Variants in ZNF536 observed in about 807,000 individuals in gnomAD.
The protein encoded by ZNF536 is zinc finger protein 536.
Under a neutral mutation model 84.5 loss-of-function variants are expected in ZNF536, and 13 were observed. The observed-to-expected ratio is 0.15, with a 90% CI of 0.10 to 0.24. The LOEUF is 0.24. ZNF536 is among the 10% of genes least tolerant of loss of function. The probability of loss-of-function intolerance (pLI) is 1.00; values close to 1 mark genes in which losing one functional copy is unlikely to be tolerated. For synonymous variants in ZNF536, 811 were observed against 742.5 expected (o/e 1.09, Z -1.50); for missense variants, 1,536 against 1,747.5 (o/e 0.88, Z 2.16).
At chr19:30,705,488 A>G (rs1405206507) in intron 1 of ZNF536, among the ~76,000 whole-genome samples, 1 of 152,230 alleles carries the variant, frequency 6.6e-6, no homozygotes, top group African/African-American at 2.4e-5. Flanking sequence ...GTGACTAAGT[A>G]CTTTATATCC....
At chr19:30,465,342 C>T (rs552701277) in intron 2 of ZNF536, among the ~76,000 whole-genome samples, 1 of 152,300 alleles carries the variant, frequency 6.6e-6, no homozygotes, top group South Asian at 2.1e-4. Flanking sequence ...TAGGAACTAT[C>T]CCTCCCCAGT....
intron 2 of ZNF536, among the ~76,000 whole-genome samples, chr19:30,317,353 C>A (rs2046714034): frequency 6.6e-6 from 1 of 152,200 alleles, no homozygotes; most frequent in African/African-American, 2.4e-5. Flanking sequence ...TCAAGCCACC[C>A]CCCAGGCATT....
chr19:30,599,464 CTCCCTCCTTCCTTCCT>C (rs1363822759), intron 1 of ZNF536, among the ~76,000 whole-genome samples: 83 of 2,448 alleles, frequency 0.034, no homozygotes, highest in African/African-American at 0.071. Flanking sequence ...CCCTCCCTCC[CTCCCTCCTTCCTTCCT>C]TCCCTCCTTC....
At chr19:30,266,936 C>T (rs572020195) in intron 1 of ZNF536, among the ~76,000 whole-genome samples, 18 of 152,194 alleles carry the variant, frequency 1.2e-4, no homozygotes, top group South Asian at 4.1e-4. Flanking sequence ...CAACGGAATC[C>T]GTTATAGAGG....
At chr19:30,481,375 A>C (rs1002654082) in intron 2 of ZNF536, among the ~76,000 whole-genome samples, 2 of 152,050 alleles carry the variant, frequency 1.3e-5, no homozygotes, top group Admixed American at 6.5e-5. Flanking sequence ...CTTCCCTGTC[A>C]CTGGGATCTC....
intron 1 of ZNF536, among the ~76,000 whole-genome samples, chr19:30,279,104 G>A (rs1046266619): frequency 2.6e-5 from 4 of 152,154 alleles, no homozygotes; most frequent in Admixed American, 2.0e-4. Flanking sequence ...CCGCATTCTC[G>A]CAGGGCTCAC....
chr19:30,281,877 G>A (rs1401951271), intron 1 of ZNF536, among the ~76,000 whole-genome samples: 1 of 152,158 alleles, frequency 6.6e-6, no homozygotes, highest in Non-Finnish European at 1.5e-5. Context: ...AGAGTCTCCT[G>A]GGTGGCCCCT....
upstream of ZNF536, among the ~76,000 whole-genome samples, chr19:30,370,958 A>C (rs968357036): frequency 2.0e-5 from 3 of 152,184 alleles, no homozygotes; most frequent in African/African-American, 7.2e-5. Context: ...ACTCCGTGTA[A>C]AAAATCACGT....
rs1873947588 is a variant in ZNF536, at chr19:30,445,829, A to T, written c.2170+97A>T. 6.9e-7 allele frequency: 1 copy of T among 1,456,688 alleles called. No homozygotes were observed. The highest frequency in any genetic ancestry group is 9.1e-7 in the Non-Finnish European group (1 of 1,096,374). The allele number at this position is 1,456,688 out of a possible 1,614,324, so 90.2% of individuals were successfully genotyped here. ...CAGGCCTCCAGTCAGTTCCAAGGCCAGTGGGTCTTGATTGAGGACAGGGGT... is the reference window on the plus strand; with the variant it reads ...CAGGCCTCCAGTCAGTTCCAAGGCCTGTGGGTCTTGATTGAGGACAGGGGT... On this transcript the variant is annotated intron_variant, in intron 2 of 4. Coordinates refer to ENST00000355537, the MANE Select transcript of ZNF536 (RefSeq NM_014717.3). This position sits in a 1 kb window ranked among gnomAD's most constrained non-coding sequence, Gnocchi z 4.5.
At chr19:30,367,390 C>T (rs1236748374), upstream of ZNF536, among the ~76,000 whole-genome samples, 1 of 152,238 alleles carries the variant, frequency 6.6e-6, no homozygotes, top group Non-Finnish European at 1.5e-5. Flanking sequence ...TACACATCAT[C>T]TGACTACCAA....
At chr19:30,587,281 A>G (rs1277896343) in intron 1 of ZNF536, among the ~76,000 whole-genome samples, 2 of 152,250 alleles carry the variant, frequency 1.3e-5, no homozygotes, top group Non-Finnish European at 2.9e-5. Flanking sequence ...TCTATGGATT[A>G]CAAGACATAT....
chr19:30,599,468 C>T (rs376095510), intron 1 of ZNF536, among the ~76,000 whole-genome samples: 141 of 1,646 alleles, frequency 0.086, 2 homozygotes, highest in African/African-American at 0.14. Flanking sequence ...CCCTCCCTCC[C>T]TCCTTCCTTC....
intron 1 of ZNF536, among the ~76,000 whole-genome samples, chr19:30,615,810 G>A (rs927827033): frequency 1.3e-5 from 2 of 151,948 alleles, no homozygotes; most frequent in African/African-American, 4.8e-5. Flanking sequence ...CTAAATAATT[G>A]TTCCTTATTT....
intron 1 of ZNF536, among the ~76,000 whole-genome samples, chr19:30,279,709 T>C (rs1252942147): frequency 6.6e-6 from 1 of 152,138 alleles, no homozygotes; most frequent in African/African-American, 2.4e-5. Flanking sequence ...GAGAGCCTGC[T>C]CTTGGTAGAG....
At chr19:30,289,011 T>G (rs188494718) in intron 2 of ZNF536, among the ~76,000 whole-genome samples, 3 of 152,286 alleles carry the variant, frequency 2.0e-5, no homozygotes, top group African/African-American at 7.2e-5. Context: ...TCAGAGAATG[T>G]CAGAAAGGGT....
chr19:30,705,569 G>GC (rs1164865997), intron 1 of ZNF536, among the ~76,000 whole-genome samples: 1 of 152,096 alleles, frequency 6.6e-6, no homozygotes, highest in Non-Finnish European at 1.5e-5. Flanking sequence ...GTACAATGGA[G>GC]CTGATATCAT....
chr19:30,562,480 G>C (rs1182009506), downstream of ZNF536, among the ~76,000 whole-genome samples: 1 of 145,210 alleles, frequency 6.9e-6, no homozygotes, highest in Non-Finnish European at 1.6e-5. Flanking sequence ...GAAAAGAAAG[G>C]AGATCAATGA....
chr19:30,460,116 G>T (rs2053065858), intron 2 of ZNF536, among the ~76,000 whole-genome samples: 2 of 152,150 alleles, frequency 1.3e-5, no homozygotes, highest in South Asian at 4.1e-4. Context: ...TAGAGGTCTA[G>T]CAATGATCTT....
intron 2 of ZNF536, among the ~76,000 whole-genome samples, chr19:30,288,641 G>C (rs902109204): frequency 3.3e-5 from 5 of 152,170 alleles, no homozygotes; most frequent in Non-Finnish European, 5.9e-5. Flanking sequence ...TCCTGGGTTG[G>C]AACCCTGGCT....
Sources: gnomAD v4.1 joint callset for allele counts (sites outside exome capture counted in the v4.1 genomes callset) on GRCh38, gnomAD v4.1.1 for gene constraint, Gnocchi (gnomAD v3.1) non-coding constraint, MANE v1.5 for transcripts, NCBI Gene and HGNC (gene_info 2026-07-23, HGNC 2026-07-21) for gene names.